Variants in ZNF567 observed in about 807,000 individuals in gnomAD.
ZNF567 encodes the protein zinc finger protein 567.
In ZNF567, 36 loss-of-function variants were observed where a neutral mutation model predicts 53.9. The observed-to-expected ratio is 0.67, with a 90% confidence interval of 0.51 to 0.88. The LOEUF (loss-of-function observed/expected upper bound fraction) is 0.88. Ranked by LOEUF, ZNF567 falls within the 40% of genes least tolerant of loss-of-function variation. ZNF567 has a pLI of 0.00. For missense variants in ZNF567, 619 were observed against 764.7 expected (o/e 0.81, Z 2.25); for synonymous variants, 224 against 260.4 (o/e 0.86, Z 1.35).
At chr19:36,699,847 A>G (rs1382543588) in intron 3 of ZNF567, among the ~76,000 whole-genome samples, 1 of 146,902 alleles carries the variant, frequency 6.8e-6, no homozygotes, top group African/African-American at 2.5e-5. Context: ...TTTTCTAGAT[A>G]TACAATCATG....
At chr19:36,675,960 C>T in the ZNF567 span, among the ~76,000 whole-genome samples, 1 of 147,768 alleles carries the variant, frequency 6.8e-6, no homozygotes, top group Non-Finnish European at 1.5e-5. Flanking sequence ...TACATATGTA[C>T]ACTTTGATAA....
At chr19:36,707,521 C>T (rs1011804382) in intron 3 of ZNF567, among the ~76,000 whole-genome samples, 2 of 152,110 alleles carry the variant, frequency 1.3e-5, no homozygotes, top group African/African-American at 4.8e-5. Context: ...CCATTTCTCT[C>T]ATGTTTATCT....
chr19:36,684,309 G>A (rs914481466), upstream of ZNF567, among the ~76,000 whole-genome samples: 7 of 152,128 alleles, frequency 4.6e-5, no homozygotes, highest in African/African-American at 1.7e-4. Context: ...AGTGTTCAAA[G>A]TGCTTTACTT....
At chr19:36,723,079 T>C, downstream of ZNF567, 1 of 670,418 alleles carries the variant, frequency 1.5e-6, no homozygotes, top group South Asian at 1.6e-5. Context: ...CCCAAGGATT[T>C]TGTCATTGTG....
downstream of ZNF567, among the ~76,000 whole-genome samples, chr19:36,722,913 C>T (rs1194619680): frequency 6.6e-6 from 1 of 150,766 alleles, no homozygotes; most frequent in Non-Finnish European, 1.5e-5. Context: ...AATGACTAGA[C>T]ATGTCATTAA....
chr19:36,688,234 T>C (rs983725669), intron 1 of ZNF567, among the ~76,000 whole-genome samples: 1 of 152,146 alleles, frequency 6.6e-6, no homozygotes, highest in African/African-American at 2.4e-5. Context: ...GGATTATGAC[T>C]ATGTAGTGGG....
the ZNF567 span, among the ~76,000 whole-genome samples, chr19:36,674,410 A>G: frequency 6.6e-6 from 1 of 152,260 alleles, no homozygotes; most frequent in East Asian, 1.9e-4. Flanking sequence ...CCAAGAATTC[A>G]TAGGAGCTCT....
At chr19:36,718,675 CCTT>C (rs1346494166) in intron 5 of ZNF567, among the ~76,000 whole-genome samples, 1 of 152,070 alleles carries the variant, frequency 6.6e-6, no homozygotes, top group Non-Finnish European at 1.5e-5. Context: ...CCATCAACCC[CCTT>C]CTACCATTCT....
chr19:36,715,519 A>ATTATTG (rs1392829489), intron 5 of ZNF567, among the ~76,000 whole-genome samples: 1 of 66,482 alleles, frequency 1.5e-5, no homozygotes, highest in Non-Finnish European at 2.6e-5. Flanking sequence ...AATTATTATT[A>ATTATTG]TTATTATTAT....
intron 3 of ZNF567, among the ~76,000 whole-genome samples, chr19:36,697,028 A>G (rs1202965553): frequency 1.3e-5 from 2 of 152,202 alleles, no homozygotes; most frequent in African/African-American, 4.8e-5. Flanking sequence ...AGAGGAATGT[A>G]TATAGACATT....
chr19:36,704,318 G>A (rs1276790797), intron 3 of ZNF567, among the ~76,000 whole-genome samples: 1 of 152,118 alleles, frequency 6.6e-6, no homozygotes, highest in Admixed American at 6.5e-5. Context: ...TTGCTCAGGA[G>A]GCTGAGACAG....
chr19:36,717,670 C>T (rs966572744), intron 5 of ZNF567, among the ~76,000 whole-genome samples: 5 of 152,198 alleles, frequency 3.3e-5, no homozygotes, highest in African/African-American at 1.2e-4. Context: ...ATAGCTTTAA[C>T]ATTGCTTCAT....
the ZNF567 span, among the ~76,000 whole-genome samples, chr19:36,681,695 G>T: frequency 6.6e-6 from 1 of 151,536 alleles, no homozygotes; most frequent in African/African-American, 2.4e-5. Flanking sequence ...CTCCCAAAGT[G>T]CTGAGATTAC....
At chr19:36,722,628 CT>C (rs1183299998), downstream of ZNF567, among the ~76,000 whole-genome samples, 3 of 152,184 alleles carry the variant, frequency 2.0e-5, no homozygotes, top group Non-Finnish European at 2.9e-5. Context: ...AGATTTAGAA[CT>C]GTAAACCATA....
intron 5 of ZNF567, among the ~76,000 whole-genome samples, chr19:36,715,478 AAATAATAATAATAAT>A (rs200738092): frequency 0.01 from 1,216 of 120,394 alleles, 15 homozygotes; most frequent in Non-Finnish European, 0.012. Context: ...ATTTAACTCA[AAATAATAATAATAAT>A]AATAATAATA....
At chr19:36,727,083 A>ATTTT (rs1002819721), downstream of ZNF567, 2 of 118,436 alleles carry the variant, frequency 1.7e-5, no homozygotes, top group African/African-American at 6.2e-5. Context: ...TTATTTATTT[A>ATTTT]TTTTTTGAGA....
chr19:36,694,891 T>A lies in ZNF567; in HGVS notation c.9+15T>A. 6.6e-7 allele frequency: 1 copy of A among 1,514,996 alleles called. No individual in the cohort carries two copies. The highest frequency in any genetic ancestry group is 8.8e-7 in the Non-Finnish European group (1 of 1,141,410). The allele number at this position is 1,514,996 out of a possible 1,614,324, so 93.8% of individuals were successfully genotyped here. On this transcript the variant is annotated intron_variant, in intron 3 of 5. Coordinates refer to ENST00000682579, the MANE Select transcript of ZNF567 (RefSeq NM_001322917.1). ...CCATGGCTCAGGTAAGGCGATGGTTTCTCTCTCCTTTCTGAAAGTCTTTTT... is the reference window on the plus strand; with the variant it reads ...CCATGGCTCAGGTAAGGCGATGGTTACTCTCTCCTTTCTGAAAGTCTTTTT...
downstream of ZNF567, among the ~76,000 whole-genome samples, chr19:36,724,226 G>A (rs1329626868): frequency 2.0e-5 from 3 of 151,402 alleles, no homozygotes; most frequent in Admixed American, 6.6e-5. Context: ...GGCTGGTCTC[G>A]AACATCCGAC....
intron 3 of ZNF567, among the ~76,000 whole-genome samples, chr19:36,706,263 G>C (rs145810641): frequency 6.6e-6 from 1 of 152,134 alleles, no homozygotes; most frequent in Non-Finnish European, 1.5e-5. Context: ...GCCCTACTTC[G>C]TAATACTATC....
Sources: gnomAD v4.1 joint callset for allele counts (sites outside exome capture counted in the v4.1 genomes callset) on GRCh38, gnomAD v4.1.1 for gene constraint, MANE v1.5 for transcripts, NCBI Gene and HGNC (gene_info 2026-07-23, HGNC 2026-07-21) for gene names.